The following KDM4F variants were observed in gnomAD, a reference collection of about 807,000 sequenced individuals.
KDM4F encodes lysine demethylase 4F.
For synonymous variants in KDM4F, 223 were observed against 184.4 expected (o/e 1.21, Z -1.70); for missense variants, 586 against 496.4 (o/e 1.18, Z -1.71).
exon 1 of KDM4F, chr11:95,050,384 C>T (rs923776121): frequency 1.8e-5 from 17 of 937,218 alleles, no homozygotes; most frequent in South Asian, 9.2e-5. Context: ...TGGATGCCTT[C>T]GTGCGCATCC....
chr11:95,051,149 A>C, exon 1 of KDM4F: 1 of 399,892 alleles, frequency 2.5e-6, no homozygotes, highest in Non-Finnish European at 4.4e-6. Context: ...AGGTTGTAGC[A>C]ATGGACCATT....
exon 1 of KDM4F, chr11:95,050,119 G>A (rs936597871): frequency 3.0e-4 from 477 of 1,564,458 alleles, no homozygotes; most frequent in Non-Finnish European, 3.8e-4. Context: ...GGCAATTCCC[G>A]GGGCTGTGAG....
exon 1 of KDM4F, chr11:95,049,965 T>C: frequency 1.9e-6 from 3 of 1,614,244 alleles, no homozygotes; most frequent in Non-Finnish European, 8.5e-7. Context: ...CTTTGGCATG[T>C]GGAAGACCAC....
chr11:95,050,110 G>A (rs1858496267), exon 1 of KDM4F: 4 of 1,576,488 alleles, frequency 2.5e-6, no homozygotes, highest in Non-Finnish European at 3.5e-6. Context: ...CTCTTCCCAG[G>A]CAATTCCCGG....
At chr11:95,050,668 T>C in exon 1 of KDM4F, 1 of 618,444 alleles carries the variant, frequency 1.6e-6, no homozygotes, top group Non-Finnish European at 2.9e-6. Context: ...TCAGCCTGGG[T>C]TCTTCCCCCT....
chr11:95,050,816 G>A (rs1270059861), exon 1 of KDM4F: 10 of 593,598 alleles, frequency 1.7e-5, no homozygotes, highest in African/African-American at 5.6e-5. Context: ...TCTCAGTGGG[G>A]ACAGGGAGCA....
chr11:95,050,504 C>T (rs1272076315), exon 1 of KDM4F: 6 of 715,734 alleles, frequency 8.4e-6, no homozygotes, highest in East Asian at 5.4e-5. Context: ...GGAGGGAGGA[C>T]ATAGCACTTA....
the KDM4F span, chr11:95,050,312 G>A: frequency 2.2e-6 from 3 of 1,349,080 alleles, no homozygotes; most frequent in South Asian, 1.2e-5. Context: ...CTCCACGATG[G>A]ATTGATTATG....
exon 1 of KDM4F, chr11:95,049,472 G>A (rs1858488932): frequency 5.9e-6 from 9 of 1,536,486 alleles, no homozygotes; most frequent in Admixed American, 1.9e-5. Context: ...CCATCATGAC[G>A]TTTTACCCAA....
At chr11:95,051,187 C>A in exon 1 of KDM4F, 1 of 398,838 alleles carries the variant, frequency 2.5e-6, no homozygotes, top group Non-Finnish European at 4.4e-6. Flanking sequence ...CCGGTCCCAA[C>A]TAAGTTTTCC....
At chr11:95,050,665 G>C (rs1858502252) in exon 1 of KDM4F, 1 of 618,190 alleles carries the variant, frequency 1.6e-6, no homozygotes. Context: ...ACGTCAGCCT[G>C]GGTTCTTCCC....
exon 1 of KDM4F, chr11:95,049,926 A>T (rs936712412): frequency 6.2e-6 from 10 of 1,613,952 alleles, no homozygotes; most frequent in Admixed American, 3.3e-5. Context: ...TGGGGTTGTC[A>T]TCGAGGGTGT....
At chr11:95,049,531 C>T in exon 1 of KDM4F, 5 of 1,593,074 alleles carry the variant, frequency 3.1e-6, no homozygotes, top group South Asian at 2.2e-5. Flanking sequence ...TACATGGAGT[C>T]CCAAGGCGCA....
the KDM4F span, chr11:95,050,754 C>T: frequency 6.1e-6 from 4 of 651,458 alleles, no homozygotes; most frequent in East Asian, 2.7e-5. Context: ...TCGTCGTCCT[C>T]GAGAACTGGG....
exon 1 of KDM4F, chr11:95,050,787 T>A: frequency 1.6e-6 from 1 of 629,684 alleles, no homozygotes; most frequent in Non-Finnish European, 2.9e-6. Context: ...AACTGTTCAG[T>A]CTGCAGCTAA....
chr11:95,050,671 T>G lies in KDM4F; in HGVS notation c.1250T>G (p.Leu417Arg). Residue 417 changes from leucine (L) to arginine (R), a missense_variant, in exon 1 of 1, where the codon CTT becomes CGT. Transcript: ENST00000545950. Reference sequence around the variant, plus strand: ...GCCCTGGAGACGTCAGCCTGGGTTCTTCCCCCTTCCACTGGAAGGTGGGGT... The same window carrying G: ...GCCCTGGAGACGTCAGCCTGGGTTCGTCCCCCTTCCACTGGAAGGTGGGGT... 4.9e-6 allele frequency: 3 copies of G among 617,838 alleles called. No individual in the cohort carries two copies. In the Admixed American group the frequency reaches 8.0e-5, roughly 17 times the overall value. The allele number at this position is 617,838 out of a possible 1,614,324, so 38.3% of individuals were successfully genotyped here. A position where few individuals can be genotyped will look rare whatever the true frequency, so the allele number is the denominator to read the frequency against.
chr11:95,049,980 G>T (rs1250378747), exon 1 of KDM4F: 3 of 1,614,128 alleles, frequency 1.9e-6, no homozygotes, highest in Non-Finnish European at 2.5e-6. Context: ...GACCACGTTT[G>T]CTTGGCACAC....
chr11:95,049,618 T>C, exon 1 of KDM4F: 2 of 1,599,710 alleles, frequency 1.3e-6, no homozygotes, highest in Non-Finnish European at 1.7e-6. Context: ...ATTGAAGACA[T>C]CTTAATAGCC....
At chr11:95,050,505 A>C in exon 1 of KDM4F, 5 of 715,608 alleles carry the variant, frequency 7.0e-6, no homozygotes, top group Non-Finnish European at 1.3e-5. Flanking sequence ...GAGGGAGGAC[A>C]TAGCACTTAG....
Sources: gnomAD v4.1 joint callset for allele counts on GRCh38, gnomAD v4.1.1 for gene constraint, MANE v1.5 for transcripts, NCBI Gene and HGNC (gene_info 2026-07-23, HGNC 2026-07-21) for gene names.